Variants in FBXO11 observed in about 807,000 individuals in gnomAD.
FBXO11 encodes F-box only protein 11.
In FBXO11, 13 loss-of-function variants were observed where a neutral mutation model predicts 117.0. That is an observed-to-expected ratio of 0.11 (90% CI 0.07 to 0.18). The LOEUF (loss-of-function observed/expected upper bound fraction) is 0.18. FBXO11 is among the 10% of genes least tolerant of loss of function. The pLI, the probability that FBXO11 is intolerant of heterozygous loss-of-function variation, is 1.00. For synonymous variants in FBXO11, 490 were observed against 380.5 expected, an observed-to-expected ratio of 1.29 and a Z score of -3.35; for missense variants, 767 against 1,164.4, an observed-to-expected ratio of 0.66 and a Z score of 4.97.
rs370593116 is a variant in FBXO11, at chr2:47,900,629, C to T, written c.232+4860G>A. ...ATACACACGTATATACACACGTATA[C>T]ACACACGTACGTATATACACACGTA... On this transcript the variant is annotated intron_variant, in intron 1 of 22. Transcript: ENST00000403359. 4.5e-3 allele frequency among the ~76,000 whole-genome samples: 134 copies of T among 29,896 alleles called. 12 individuals are homozygous for T. The highest frequency in any genetic ancestry group is 0.033 in the East Asian group (8 of 242). 19.6% of individuals were successfully genotyped at this position (29,896 alleles called of 152,430 possible). A position where few individuals can be genotyped will look rare whatever the true frequency, so the allele number is the denominator to read the frequency against.
intron 1 of FBXO11, chr2:47,883,468 TA>T: frequency 2.5e-6 from 1 of 404,880 alleles, no homozygotes; most frequent in Non-Finnish European, 4.9e-6. Flanking sequence ...CAGATTTTTG[TA>T]AAAACCCTTA....
intron 1 of FBXO11, among the ~76,000 whole-genome samples, chr2:47,900,572 G>GTATATACGTGTGTATA (rs1678039313): frequency 7.4e-6 from 1 of 135,914 alleles, no homozygotes; most frequent in Non-Finnish European, 1.6e-5. Flanking sequence ...ATATACACAC[G>GTATATACGTGTGTATA]TATACACACA....
At chr2:47,825,123 A>G (rs933362914) in intron 11 of FBXO11, among the ~76,000 whole-genome samples, 1 of 152,206 alleles carries the variant, frequency 6.6e-6, no homozygotes, top group Admixed American at 6.5e-5. Flanking sequence ...GAGGTTAAAA[A>G]GGGGATATTC....
At position 47,834,564 on chromosome 2, in the gene FBXO11, T is replaced by C. The variant is rs1572810315; in HGVS notation, c.934+15A>G. ...TAAAATATTAAAATTTTAATGACAA[T>C]GCATTTCAAAATACCTGCACCAATC... is the stretch of plus-strand genomic sequence containing the variant. On this transcript the variant is annotated intron_variant, in intron 7 of 22. Transcript: ENST00000403359. 1.3e-6 allele frequency: 2 copies of C among 1,527,270 alleles called. No homozygotes were observed. The highest frequency in any genetic ancestry group is 8.8e-7 in the Non-Finnish European group (1 of 1,138,414). The allele number at this position is 1,527,270 out of a possible 1,614,324, so 94.6% of individuals were successfully genotyped here.
intron 1 of FBXO11, among the ~76,000 whole-genome samples, chr2:47,871,597 G>C (rs1173340448): frequency 6.6e-6 from 1 of 152,070 alleles, no homozygotes; most frequent in South Asian, 2.1e-4. Context: ...TGTCTTCATA[G>C]GTTTATTAGC....
intron 1 of FBXO11, among the ~76,000 whole-genome samples, chr2:47,856,520 G>T (rs536339469): frequency 6.6e-6 from 1 of 152,312 alleles, no homozygotes; most frequent in Non-Finnish European, 1.5e-5. Context: ...AGATTAGATA[G>T]TAGGAAACTT....
rs145699498 is a variant in FBXO11, at chr2:47,905,758, A to ACACACG, written c.-44_-39dup. On this transcript the variant is annotated 5_prime_UTR_variant, in exon 1 of 23. Coordinates refer to ENST00000403359, the MANE Select transcript of FBXO11 (RefSeq NM_001190274.2). ...GGTGGCGGCGTTGGCGGAGGGACAC[A>ACACACG]CACACGCACACGCACAGCGAGCTTC... is the stretch of plus-strand genomic sequence containing the variant. The ACACACG allele has an allele frequency of 1.2e-3, 1,554 of 1,305,116 alleles. 23 individuals carry two copies. The East Asian group carries it at 0.055, about 46-fold the overall frequency. 80.8% of individuals were successfully genotyped at this position (1,305,116 alleles called of 1,614,324 possible).
At chr2:47,869,203 T>A (rs1675425856) in intron 1 of FBXO11, among the ~76,000 whole-genome samples, 1 of 152,210 alleles carries the variant, frequency 6.6e-6, no homozygotes, top group African/African-American at 2.4e-5. Flanking sequence ...AGTAACTCAC[T>A]AACGAAATTT....
chr2:47,828,527 G>A (rs1671933162), intron 11 of FBXO11, among the ~76,000 whole-genome samples: 1 of 151,538 alleles, frequency 6.6e-6, no homozygotes. Flanking sequence ...AGAATTGCTT[G>A]AAGCCTGGAA....
chr2:47,874,007 G>A (rs1019938484), intron 1 of FBXO11, among the ~76,000 whole-genome samples: 3 of 152,034 alleles, frequency 2.0e-5, no homozygotes, highest in Non-Finnish European at 4.4e-5. Flanking sequence ...GGGGTCAAGC[G>A]TTTGAGACCA....
intron 1 of FBXO11, among the ~76,000 whole-genome samples, chr2:47,852,178 C>T (rs1479469472): frequency 2.0e-5 from 3 of 151,890 alleles, no homozygotes; most frequent in Admixed American, 6.6e-5. Flanking sequence ...TTAGTAGAGA[C>T]GGGGTTTCGC....
intron 1 of FBXO11, among the ~76,000 whole-genome samples, chr2:47,900,898 A>G (rs1481336173): frequency 6.9e-6 from 1 of 144,332 alleles, no homozygotes; most frequent in African/African-American, 2.6e-5. Context: ...ACGTATATAT[A>G]CACACATATA....
chr2:47,843,349 A>C (rs1011219689), intron 1 of FBXO11, among the ~76,000 whole-genome samples: 1 of 151,286 alleles, frequency 6.6e-6, no homozygotes. Context: ...ACATTTTTTC[A>C]CTTTTGTTGA....
chr2:47,834,959 T>C lies in FBXO11; in HGVS notation c.718-88A>G, dbSNP rs116565099. On this transcript the variant is annotated intron_variant, in intron 5 of 22. Coordinates refer to ENST00000403359, the MANE Select transcript of FBXO11 (RefSeq NM_001190274.2). Reference sequence around the variant, plus strand: ...TGTACAATTGCATGAACAACTTTTATTACAAATCAAAAATAATTCTCAACT... The same window carrying C: ...TGTACAATTGCATGAACAACTTTTACTACAAATCAAAAATAATTCTCAACT... 6.1e-4 allele frequency: 540 copies of C among 889,644 alleles called. 1 individual carries two copies. The highest frequency in any genetic ancestry group is 8.9e-4 in the Non-Finnish European group (510 of 574,850). The allele number at this position is 889,644 out of a possible 1,614,324, so 55.1% of individuals were successfully genotyped here. A position where few individuals can be genotyped will look rare whatever the true frequency, so the allele number is the denominator to read the frequency against.
At chr2:47,827,902 A>T (rs1671882406) in intron 11 of FBXO11, among the ~76,000 whole-genome samples, 1 of 149,656 alleles carries the variant, frequency 6.7e-6, no homozygotes, top group African/African-American at 2.5e-5. Context: ...TTGCCAAGTT[A>T]GCCAGGCTGG....
intron 11 of FBXO11, among the ~76,000 whole-genome samples, chr2:47,825,617 T>C (rs1671695632): frequency 6.7e-6 from 1 of 149,812 alleles, no homozygotes; most frequent in African/African-American, 2.5e-5. Flanking sequence ...TCTCACTCTG[T>C]TGTCTGGGTT....
At chr2:47,831,680 T>C (rs901156626) in intron 11 of FBXO11, among the ~76,000 whole-genome samples, 14 of 152,076 alleles carry the variant, frequency 9.2e-5, no homozygotes, top group African/African-American at 3.4e-4. Context: ...TGAAAAGACA[T>C]TCAAAACATT....
At chr2:47,867,666 G>A (rs1428727380) in intron 1 of FBXO11, among the ~76,000 whole-genome samples, 1 of 152,194 alleles carries the variant, frequency 6.6e-6, no homozygotes, top group Non-Finnish European at 1.5e-5. Flanking sequence ...AAGCTTCACT[G>A]AAATCACAAA....
At position 47,900,643 on chromosome 2, in the gene FBXO11, TATACACACGTATAC is replaced by T. The variant is rs1678086338; in HGVS notation, c.232+4832_232+4845del. 2.2e-4 allele frequency among the ~76,000 whole-genome samples: 19 copies of T among 87,914 alleles called. 2 individuals carry two copies. In the South Asian group the frequency reaches 2.8e-3, roughly 13 times the overall value. 57.7% of individuals were successfully genotyped at this position (87,914 alleles called of 152,430 possible). A position where few individuals can be genotyped will look rare whatever the true frequency, so the allele number is the denominator to read the frequency against. On this transcript the variant is annotated intron_variant, in intron 1 of 22. Coordinates refer to ENST00000403359, the MANE Select transcript of FBXO11 (RefSeq NM_001190274.2). ...ACACACGTATACACACACGTACGTATATACACACGTATACACACACGTACGTATATACACACGTA... is the reference window on the plus strand; with the variant it reads ...ACACACGTATACACACACGTACGTATACACACGTACGTATATACACACGTA...
Sources: allele counts gnomAD v4.1 joint callset (sites outside exome capture counted in the v4.1 genomes callset), GRCh38; gene constraint gnomAD v4.1.1; transcripts MANE v1.5; gene names NCBI Gene and HGNC (gene_info 2026-07-23, HGNC 2026-07-21).